EGFLAM: variants seen among roughly 807,000 people sequenced by gnomAD.
EGFLAM encodes the protein EGF like, fibronectin type III and laminin G domains, also known as pikachurin.
A neutral mutation model predicts 113.1 loss-of-function variants in EGFLAM; 79 were observed. That is an observed-to-expected ratio of 0.70 (90% CI 0.58 to 0.84). The LOEUF (loss-of-function observed/expected upper bound fraction) is 0.84. Ranked by LOEUF, EGFLAM falls within the 40% of genes least tolerant of loss-of-function variation. The probability of loss-of-function intolerance (pLI) is 0.00; values close to 1 mark genes in which losing one functional copy is unlikely to be tolerated. For synonymous variants in EGFLAM, 504 were observed against 487.6 expected (o/e 1.03, Z -0.44); for missense variants, 1,265 against 1,291.6 (o/e 0.98, Z 0.32).
chr5:38,409,014 A>G lies in EGFLAM; in HGVS notation c.1259A>G (p.Glu420Gly). 1 of 1,590,618 alleles carries G rather than the reference A, an allele frequency of 6.3e-7. No individual in the cohort carries two copies. Among genetic ancestry groups the G allele is most frequent in the African/African-American group, 1.3e-5 (1 of 74,624 alleles). Residue 420 changes from glutamate (E) to glycine (G), a missense_variant, in exon 10 of 22, where the codon GAG (glutamate) becomes GGG (glycine). By Grantham distance (98) the Glu-to-Gly change is moderately conservative. Coordinates refer to ENST00000322350, the MANE Select transcript of EGFLAM (RefSeq NM_152403.4). Reference sequence around the variant, plus strand: ...TTTGTATAATCACAGGCGGAGGCAGAGGATGGCTTACTGCTCTACTGTGGG... The same window carrying G: ...TTTGTATAATCACAGGCGGAGGCAGGGGATGGCTTACTGCTCTACTGTGGG... ...QITLEFRAEA[E>G]DGLLLYCGEN...
chr5:38,343,906 T>C (rs981026772), intron 3 of EGFLAM, among the ~76,000 whole-genome samples: 1 of 152,186 alleles, frequency 6.6e-6, no homozygotes, highest in African/African-American at 2.4e-5. Context: ...CTAAGTGGCA[T>C]CCCCAAGACC....
intron 1 of EGFLAM, among the ~76,000 whole-genome samples, chr5:38,265,587 G>A (rs891699784): frequency 5.9e-5 from 9 of 152,196 alleles, no homozygotes; most frequent in African/African-American, 1.9e-4. Context: ...ACTCATCTTT[G>A]ATTTCACTGA....
At chr5:38,405,409 G>T (rs1048093523) in intron 6 of EGFLAM, among the ~76,000 whole-genome samples, 1 of 151,670 alleles carries the variant, frequency 6.6e-6, no homozygotes, top group Non-Finnish European at 1.5e-5. Flanking sequence ...GTTTGCTGTT[G>T]TCTTTTATAT....
intron 6 of EGFLAM, among the ~76,000 whole-genome samples, chr5:38,396,528 T>C (rs752407710): frequency 5.9e-5 from 9 of 152,218 alleles, no homozygotes; most frequent in Non-Finnish European, 1.0e-4. Flanking sequence ...ACTCACTCAT[T>C]TACTCACTCA....
chr5:38,355,183 CG>C (rs1451977424), intron 5 of EGFLAM, among the ~76,000 whole-genome samples: 2 of 152,140 alleles, frequency 1.3e-5, no homozygotes, highest in Non-Finnish European at 2.9e-5. Flanking sequence ...TGTAGGCAAC[CG>C]GGTCTTCACT....
Position 38,370,381 on chromosome 5 carries a change from A to G in EGFLAM, c.631A>G (p.Asn211Asp). ...TATCAAGGGCCTCGATCCAGATACC[A>G]ACTACCAGTTTGCCGTGAGGGCAAT... is the stretch of plus-strand genomic sequence containing the variant. ...MVIKGLDPDT[N>D]YQFAVRAMNS... The change falls in exon 6 of 22, where the codon AAC becomes GAC. Residue 211 changes from asparagine (N) to aspartate (D), a missense_variant. Asn to Asp is a conservative substitution (Grantham distance 23). Coordinates refer to ENST00000322350, the MANE Select transcript of EGFLAM (RefSeq NM_152403.4). 1 of 1,614,202 alleles carries G rather than the reference A, an allele frequency of 6.2e-7. No individual in the cohort carries two copies. The highest frequency in any genetic ancestry group is 8.5e-7 in the Non-Finnish European group (1 of 1,180,014).
At chr5:38,459,122 G>A (rs1033071550) in intron 20 of EGFLAM, among the ~76,000 whole-genome samples, 1 of 151,704 alleles carries the variant, frequency 6.6e-6, no homozygotes, top group South Asian at 2.1e-4. Context: ...GTGCAGCCTC[G>A]CTTGACCTCC....
intron 1 of EGFLAM, among the ~76,000 whole-genome samples, chr5:38,302,766 G>A: frequency 6.6e-6 from 1 of 150,544 alleles, no homozygotes; most frequent in East Asian, 1.9e-4. Context: ...TGTTTAAGTA[G>A]CTGTAAAGTA....
At chr5:38,258,945 C>G in intron 1 of EGFLAM, 94 bp downstream of exon 1, 1 of 1,331,836 alleles carries the variant, frequency 7.5e-7, no homozygotes, top group South Asian at 1.4e-5. Flanking sequence ...CCGCCTCCCT[C>G]TCCCCGACCA....
chr5:38,264,759 T>A (rs1337362280), intron 1 of EGFLAM, among the ~76,000 whole-genome samples: 3 of 152,210 alleles, frequency 2.0e-5, no homozygotes, highest in Non-Finnish European at 4.4e-5. Flanking sequence ...ATTCAGGCTG[T>A]CTCATTTATC....
At chr5:38,461,425 T>G (rs1293090385) in intron 20 of EGFLAM, 6 of 152,252 alleles carry the variant, frequency 3.9e-5, no homozygotes, top group Admixed American at 3.9e-4. Context: ...TTATAAGGTA[T>G]ATCTTCATTT....
chr5:38,300,978 G>A (rs948677094), intron 1 of EGFLAM, among the ~76,000 whole-genome samples: 6 of 152,188 alleles, frequency 3.9e-5, no homozygotes, highest in African/African-American at 1.2e-4. Context: ...AGTCAGATGA[G>A]AGAGACTGAG....
rs1743389627 is a variant in EGFLAM, at chr5:38,464,117, C to T, written c.*131C>T. The T allele has an allele frequency of 8.1e-7, 1 of 1,231,440 alleles. No individual in the cohort carries two copies. Among genetic ancestry groups the T allele is most frequent in the East Asian group, 2.5e-5 (1 of 40,084 alleles). The allele number at this position is 1,231,440 out of a possible 1,614,324, so 76.3% of individuals were successfully genotyped here. A position where few individuals can be genotyped will look rare whatever the true frequency, so the allele number is the denominator to read the frequency against. On this transcript the variant is annotated 3_prime_UTR_variant, in exon 22 of 22. Transcript: ENST00000322350. ...TTCCTCTCACCAAGAAGAAAGTACA[C>T]ACTGATGAGAAACTGAGAACCAAGA... is the stretch of plus-strand genomic sequence containing the variant.
chr5:38,384,149 T>C (rs536285428), intron 6 of EGFLAM, among the ~76,000 whole-genome samples: 3 of 152,036 alleles, frequency 2.0e-5, no homozygotes, highest in Non-Finnish European at 4.4e-5. Context: ...GAGGCAATTT[T>C]ATATTGCTTT....
intron 20 of EGFLAM, among the ~76,000 whole-genome samples, chr5:38,458,773 G>C (rs112475833): frequency 0.024 from 3,708 of 152,216 alleles, 153 homozygotes; most frequent in African/African-American, 0.083. Context: ...CTGAGCTCAG[G>C]AGTTTGAAAC....
rs988012543 is a variant in EGFLAM at position 38,334,080 on chromosome 5, C to T, written c.98-3440C>T. Among the ~76,000 whole-genome samples the T allele has an allele frequency of 1.5e-3, 235 of 151,986 alleles. 1 individual carries two copies. The highest frequency in any genetic ancestry group is 2.1e-4 in the Non-Finnish European group (14 of 67,938). Reference sequence around the variant, plus strand: ...CTGGGATTACAGACTCCTGCCACCACGCCCAGCTAATTTTTGTATCTTTAG... The same window carrying T: ...CTGGGATTACAGACTCCTGCCACCATGCCCAGCTAATTTTTGTATCTTTAG... On this transcript the variant is annotated intron_variant, in intron 1 of 21. Transcript: ENST00000322350.
intron 2 of EGFLAM, 34 bp downstream of exon 2, chr5:38,337,663 G>C (rs1190733370): frequency 3.3e-6 from 5 of 1,528,770 alleles, no homozygotes; most frequent in Non-Finnish European, 4.5e-6. Context: ...TCCTCGGTGG[G>C]TGTGTCGTGT....
intron 6 of EGFLAM, among the ~76,000 whole-genome samples, chr5:38,381,859 A>G (rs1473284427): frequency 1.3e-5 from 2 of 152,144 alleles, no homozygotes; most frequent in Non-Finnish European, 2.9e-5. Flanking sequence ...TAATCGCCAA[A>G]CTGGGTTTTG....
Position 38,338,788 on chromosome 5 carries a change from CT to C in EGFLAM, c.291+10del, listed in dbSNP as rs1302649093. 6.2e-7 allele frequency: 1 copy of C among 1,613,682 alleles called. No individual in the cohort carries two copies. Among genetic ancestry groups the C allele is most frequent in the Non-Finnish European group, 8.5e-7 (1 of 1,179,690 alleles). Reference sequence around the variant, plus strand: ...CCGGGACATCCCGACCACGGTGAGTCTTTCCATCCTGGCAGCCCACTCAAAA... The same window carrying C: ...CCGGGACATCCCGACCACGGTGAGTCTTCCATCCTGGCAGCCCACTCAAAA... On this transcript the variant is annotated splice_region_variant and intron_variant, in intron 3 of 21. Coordinates refer to ENST00000322350, the MANE Select transcript of EGFLAM (RefSeq NM_152403.4).
Sources: gnomAD v4.1 joint callset for allele counts (sites outside exome capture counted in the v4.1 genomes callset) on GRCh38, gnomAD v4.1.1 for gene constraint, MANE v1.5 for transcripts, NCBI Gene and HGNC (gene_info 2026-07-23, HGNC 2026-07-21) for gene names.